PHC2: variants seen among roughly 807,000 people sequenced by gnomAD.
PHC2 encodes polyhomeotic-like protein 2.
In PHC2, 29 loss-of-function variants were observed where a neutral mutation model predicts 87.4. The observed-to-expected ratio is 0.33, with a 90% CI of 0.25 to 0.45. PHC2 has a LOEUF of 0.45. Ranked by LOEUF, PHC2 falls within the 20% of genes least tolerant of loss-of-function variation. The pLI, the probability that PHC2 is intolerant of heterozygous loss-of-function variation, is 1.00. For synonymous variants in PHC2, 438 were observed against 461.7 expected (o/e 0.95, Z 0.66); for missense variants, 857 against 1,136.7 (o/e 0.75, Z 3.54).
At chr1:33,346,606 T>C in intron 9 of PHC2, 1 of 985,460 alleles carries the variant, frequency 1.0e-6, no homozygotes, top group Non-Finnish European at 1.2e-6. Flanking sequence ...GTACTAATGA[T>C]GAGCAGCATT....
chr1:33,394,716 C>A (rs1255308504), intron 1 of PHC2, among the ~76,000 whole-genome samples: 1 of 152,198 alleles, frequency 6.6e-6, no homozygotes, highest in Non-Finnish European at 1.5e-5. Context: ...CAGGCACACA[C>A]CACTGCACCT....
At position 33,375,611 on chromosome 1, in the gene PHC2, G is replaced by C; in HGVS notation, c.-54-18C>G. The C allele has an allele frequency of 1.4e-6, 2 of 1,391,296 alleles. No homozygotes were observed. The highest frequency in any genetic ancestry group is 1.9e-6 in the Non-Finnish European group (2 of 1,053,330). The allele number at this position is 1,391,296 out of a possible 1,614,324, so 86.2% of individuals were successfully genotyped here. A position where few individuals can be genotyped will look rare whatever the true frequency, so the allele number is the denominator to read the frequency against. On this transcript the variant is annotated intron_variant, in intron 1 of 14. Transcript: ENST00000683057. ...GGCAGATGCTAGGAGGGAAGAGGCA[G>C]AAGTGAATGTTTTGACAGACGCTTA... is the stretch of plus-strand genomic sequence containing the variant.
chr1:33,343,468 C>CAAAAAAAAA (rs71006394), intron 9 of PHC2, among the ~76,000 whole-genome samples: 1 of 59,848 alleles, frequency 1.7e-5, no homozygotes. Context: ...GACTCTGTCT[C>CAAAAAAAAA]AAAAAAAAAA....
At position 33,382,601 on chromosome 1, in the gene PHC2, G is replaced by A. The variant is rs1245945722; in HGVS notation, c.-54-7008C>T. ...CACTGTGTGGTTTTGTATGAGCCCG[G>A]GCTCTGAAGGGCTATGATTCCTATT... On this transcript the variant is annotated intron_variant, in intron 1 of 14. Transcript: ENST00000683057. This position sits in a 1 kb window ranked among gnomAD's most constrained non-coding sequence, Gnocchi z 4.3. Among the ~76,000 whole-genome samples, 2 of 152,102 alleles carry A rather than the reference G, an allele frequency of 1.3e-5. No individual in the cohort carries two copies. Among genetic ancestry groups the A allele is most frequent in the Non-Finnish European group, 2.9e-5 (2 of 68,026 alleles).
chr1:33,419,051 T>A (rs969308864), intron 1 of PHC2, among the ~76,000 whole-genome samples: 4 of 152,338 alleles, frequency 2.6e-5, no homozygotes, highest in Admixed American at 2.6e-4. Context: ...TTACCTAACT[T>A]CTCTGTGCAC....
intron 7 of PHC2, among the ~76,000 whole-genome samples, chr1:33,357,152 G>GC (rs1437803453): frequency 6.6e-6 from 1 of 152,172 alleles, no homozygotes; most frequent in Non-Finnish European, 1.5e-5. Context: ...TGGAGAGCTA[G>GC]CCAAGTGCAT....
chr1:33,416,674 G>A (rs1650224351), intron 1 of PHC2, among the ~76,000 whole-genome samples: 2 of 151,280 alleles, frequency 1.3e-5, no homozygotes, highest in Non-Finnish European at 2.9e-5. Context: ...TTAAAGTCCT[G>A]GAAGAAACTA....
At chr1:33,404,474 T>C (rs1238221287) in intron 1 of PHC2, among the ~76,000 whole-genome samples, 1 of 152,206 alleles carries the variant, frequency 6.6e-6, no homozygotes, top group East Asian at 1.9e-4. Context: ...AGCAATACTA[T>C]CTAATTATTT....
chr1:33,350,461 A>T (rs1349956174), intron 9 of PHC2: 2 of 152,240 alleles, frequency 1.3e-5, no homozygotes, highest in African/African-American at 4.8e-5. Flanking sequence ...AGTGTTGGTT[A>T]TCTTCCCCAA....
intron 1 of PHC2, among the ~76,000 whole-genome samples, chr1:33,403,091 G>A (rs544835612): frequency 1.1e-3 from 157 of 147,678 alleles, no homozygotes; most frequent in Non-Finnish European, 2.0e-3. Flanking sequence ...AAAGTGCTGG[G>A]ATTACAGGCG....
chr1:33,335,971 T>G (rs1257509853), intron 9 of PHC2, among the ~76,000 whole-genome samples: 3 of 123,306 alleles, frequency 2.4e-5, no homozygotes, highest in African/African-American at 4.0e-5. Flanking sequence ...CTCAAGCTCA[T>G]GTTTTTGTTG....
rs377675352 is a variant in PHC2 at position 33,370,551 on chromosome 1, A to T, written c.446T>A (p.Leu149His). The change falls in exon 5 of 15, where the codon CTC becomes CAC. Residue 149 changes from leucine to histidine, a missense_variant. Transcript: ENST00000683057. The part of the protein sequence containing the change: ...NLAASPAAAQ[L>H]LNRAQSVNSA... ...GTTCACACTCTGGGCCCGGTTGAGG[A>T]GCTGGGCTGCTGCTGGGGAGGCTGC... The T allele has an allele frequency of 1.5e-4, 240 of 1,613,694 alleles. No homozygotes were observed. Among genetic ancestry groups the T allele is most frequent in the Non-Finnish European group, 2.0e-4 (233 of 1,179,766 alleles).
intron 9 of PHC2, among the ~76,000 whole-genome samples, chr1:33,348,693 A>G (rs1157715754): frequency 1.3e-5 from 2 of 152,192 alleles, no homozygotes; most frequent in Non-Finnish European, 2.9e-5. Context: ...AACACGGGAG[A>G]TATCCGAGGG....
At chr1:33,347,390 G>A (rs1646864136) in intron 9 of PHC2, 2 of 985,220 alleles carry the variant, frequency 2.0e-6, no homozygotes, top group South Asian at 4.7e-5. Flanking sequence ...GGGGCTGGAG[G>A]TCCTTCTTTA....
chr1:33,384,689 A>C (rs1043766092), intron 1 of PHC2, among the ~76,000 whole-genome samples: 4 of 152,146 alleles, frequency 2.6e-5, no homozygotes, highest in Admixed American at 2.0e-4. Context: ...CACCCTTTGC[A>C]GTTCAGCTAT....
At chr1:33,414,107 CT>C (rs1650097167) in intron 1 of PHC2, among the ~76,000 whole-genome samples, 1 of 151,790 alleles carries the variant, frequency 6.6e-6, no homozygotes, top group South Asian at 2.1e-4. Flanking sequence ...ATTAAAATGC[CT>C]GGCATATATA....
intron 9 of PHC2, among the ~76,000 whole-genome samples, chr1:33,336,227 G>T (rs964708669): frequency 6.6e-6 from 1 of 152,028 alleles, no homozygotes; most frequent in Non-Finnish European, 1.5e-5. Flanking sequence ...GATCTCAGGT[G>T]GTCCACCTGC....
chr1:33,421,399 T>C, intron 1 of PHC2, among the ~76,000 whole-genome samples: 1 of 152,068 alleles, frequency 6.6e-6, no homozygotes, highest in African/African-American at 2.4e-5. Flanking sequence ...AGAATTTAAA[T>C]AGCAGAAGTC....
chr1:33,360,138 TGA>T (rs1392387447), intron 7 of PHC2, among the ~76,000 whole-genome samples: 1 of 152,208 alleles, frequency 6.6e-6, no homozygotes, highest in Non-Finnish European at 1.5e-5. Context: ...AGGAGGAGTT[TGA>T]GAGGGGAAGT....
Sources: allele counts gnomAD v4.1 joint callset (sites outside exome capture counted in the v4.1 genomes callset), GRCh38; gene constraint gnomAD v4.1.1; non-coding constraint Gnocchi (gnomAD v3.1); transcripts MANE v1.5; gene names NCBI Gene and HGNC (gene_info 2026-07-23, HGNC 2026-07-21).